MTUS2: variants seen among roughly 807,000 people sequenced by gnomAD.
MTUS2 encodes the protein microtubule-associated tumor suppressor candidate 2.
A neutral mutation model predicts 114.1 loss-of-function variants in MTUS2; 40 were observed. The observed-to-expected ratio is 0.35, with a 90% CI of 0.27 to 0.46. The LOEUF (loss-of-function observed/expected upper bound fraction) is 0.46, where lower values mean the gene tolerates loss of function less well. Among genes scored for constraint, MTUS2 ranks in the 20% least tolerant of loss-of-function variants. The pLI is 1.00. For missense variants in MTUS2, 1,679 were observed against 1,705.4 expected (o/e 0.98, Z 0.27); for synonymous variants, 688 against 672.0 (o/e 1.02, Z -0.37).
At chr13:29,245,046 G>C (rs1043678882) in intron 5 of MTUS2, among the ~76,000 whole-genome samples, 2 of 149,448 alleles carry the variant, frequency 1.3e-5, no homozygotes, top group African/African-American at 4.9e-5. Context: ...TGTATCATTT[G>C]TCTGGAGATT....
intron 8 of MTUS2, among the ~76,000 whole-genome samples, chr13:29,436,837 A>G (rs184552842): frequency 7.9e-6 from 1 of 126,344 alleles, no homozygotes; most frequent in Admixed American, 8.6e-5. Context: ...TTTTTTTTAC[A>G]TTCTCACTTG....
intron 2 of MTUS2, among the ~76,000 whole-genome samples, chr13:28,851,856 C>T (rs568610323): frequency 1.3e-5 from 2 of 152,132 alleles, no homozygotes; most frequent in South Asian, 2.1e-4. Flanking sequence ...CTTCCTGGAG[C>T]GGGTGGCATT....
At chr13:29,154,753 A>G (rs1892791178) in intron 5 of MTUS2, among the ~76,000 whole-genome samples, 1 of 152,236 alleles carries the variant, frequency 6.6e-6, no homozygotes, top group African/African-American at 2.4e-5. Flanking sequence ...TGGCTAAGCT[A>G]GATTGGATTT....
At chr13:29,199,883 C>G (rs1894866553) in intron 5 of MTUS2, among the ~76,000 whole-genome samples, 1 of 152,086 alleles carries the variant, frequency 6.6e-6, no homozygotes, top group Admixed American at 6.6e-5. Flanking sequence ...TGTTTTTGGT[C>G]TATTCGGGGA....
intron 6 of MTUS2, chr13:29,307,414 G>T: frequency 8.4e-7 from 1 of 1,193,944 alleles, no homozygotes; most frequent in Non-Finnish European, 1.2e-6. Flanking sequence ...CCCTAGTGAC[G>T]CTGCCAAGGC....
At chr13:28,895,802 A>G (rs1293274892) in intron 2 of MTUS2, among the ~76,000 whole-genome samples, 1 of 152,230 alleles carries the variant, frequency 6.6e-6, no homozygotes, top group African/African-American at 2.4e-5. Flanking sequence ...AACGTTAAAT[A>G]CAATGCAGAA....
rs1566163171 is a variant in MTUS2, at chr13:29,375,550, T to TA, written c.3117+16078dup. Among the ~76,000 whole-genome samples, 38 of 9,676 alleles carry TA rather than the reference T, an allele frequency of 3.9e-3. 2 individuals are homozygous for TA. Among genetic ancestry groups the TA allele is most frequent in the Middle Eastern group, 0.038 (1 of 26 alleles). The allele number at this position is 9,676 out of a possible 152,430, so 6.3% of individuals were successfully genotyped here. On this transcript the variant is annotated intron_variant, in intron 8 of 15. Transcript: ENST00000612955. Reference sequence around the variant, plus strand: ...ATATATATATATACGTGTATATATATATATATACGTATATATATATATACA... The same window carrying TA: ...ATATATATATATACGTGTATATATATAATATATACGTATATATATATATACA...
At chr13:29,186,897 A>G (rs1338502691) in intron 5 of MTUS2, among the ~76,000 whole-genome samples, 1 of 152,194 alleles carries the variant, frequency 6.6e-6, no homozygotes, top group Non-Finnish European at 1.5e-5. Context: ...ATGAGGGATT[A>G]AAATTTTGCA....
At chr13:28,904,442 G>T (rs967701604) in intron 2 of MTUS2, among the ~76,000 whole-genome samples, 1 of 152,158 alleles carries the variant, frequency 6.6e-6, no homozygotes, top group African/African-American at 2.4e-5. Context: ...AAGGTGTAAG[G>T]AAGGGATCCA....
intron 4 of MTUS2, among the ~76,000 whole-genome samples, chr13:29,063,083 A>G (rs977318976): frequency 6.6e-6 from 1 of 152,162 alleles, no homozygotes; most frequent in Non-Finnish European, 1.5e-5. Flanking sequence ...TGAAATTTTT[A>G]TTAGTGAAAC....
chr13:29,025,794 A>G lies in MTUS2; in HGVS notation c.1096A>G (p.Ser366Gly), dbSNP rs1191221188. The G allele has an allele frequency of 6.2e-7, 1 of 1,614,014 alleles. No homozygotes were observed. Among genetic ancestry groups the G allele is most frequent in the South Asian group, 1.1e-5 (1 of 91,084 alleles). ...CGATGCACTTGGCCATCTGCTGAAC[A>G]GTGACCTCCACCACCTTGGGGTGGG... Reference protein sequence around the residue: ...ATDALGHLLNSDLHHLGVGRG... With the variant: ...ATDALGHLLNGDLHHLGVGRG... The change falls in exon 3 of 16, where the codon AGT becomes GGT. Residue 366 changes from serine to glycine, a missense_variant. By Grantham distance (56) the Ser-to-Gly change is moderately conservative. Around this residue, in one of 3 missense-constraint regions of MTUS2, gnomAD observed 843 missense variants for 770.8 expected, o/e 1.09. Coordinates refer to ENST00000612955, the MANE Select transcript of MTUS2 (RefSeq NM_001033602.4).
intron 9 of MTUS2, among the ~76,000 whole-genome samples, chr13:29,442,562 GA>G (rs1374289914): frequency 6.6e-6 from 1 of 152,074 alleles, no homozygotes; most frequent in Non-Finnish European, 1.5e-5. Context: ...GCAAAGATAT[GA>G]TATCATGAAA....
At chr13:29,445,748 C>CA (rs112602672) in intron 9 of MTUS2, among the ~76,000 whole-genome samples, 16,545 of 148,550 alleles carry the variant, frequency 0.11, 1,446 homozygotes, top group African/African-American at 0.25. Flanking sequence ...ACTAAAAATA[C>CA]AAAAAAAAAA....
At chr13:29,229,976 A>G (rs7333330) in intron 5 of MTUS2, among the ~76,000 whole-genome samples, 3,684 of 152,254 alleles carry the variant, frequency 0.024, 149 homozygotes, top group African/African-American at 0.084. Flanking sequence ...GCCGGGCACA[A>G]TGGCTCACGC....
chr13:29,160,106 C>T lies in MTUS2; in HGVS notation c.2644+59136C>T, dbSNP rs996447265. On this transcript the variant is annotated intron_variant, in intron 5 of 15. Transcript: ENST00000612955. Reference sequence around the variant, plus strand: ...ACTGGAAATAATCCAGAAGGCCTTCCGTGGGCACATGATTAAACAACTGTG... The same window carrying T: ...ACTGGAAATAATCCAGAAGGCCTTCTGTGGGCACATGATTAAACAACTGTG... 1.6e-4 allele frequency among the ~76,000 whole-genome samples: 24 copies of T among 152,252 alleles called. 3 individuals carry two copies. Among genetic ancestry groups the T allele is most frequent in the Admixed American group, 5.9e-4 (9 of 15,294 alleles).
intron 5 of MTUS2, among the ~76,000 whole-genome samples, chr13:29,139,739 A>G (rs561283121): frequency 2.1e-4 from 32 of 152,250 alleles, no homozygotes; most frequent in African/African-American, 6.3e-4. Context: ...TTAGAGTCAT[A>G]TTTGTTTTAA....
chr13:29,417,309 C>T (rs185786554), intron 8 of MTUS2, among the ~76,000 whole-genome samples: 1 of 152,330 alleles, frequency 6.6e-6, no homozygotes, highest in East Asian at 1.9e-4. Flanking sequence ...CCCCATGACC[C>T]ATACACCTTC....
chr13:29,368,230 A>T (rs1399581952), intron 8 of MTUS2, among the ~76,000 whole-genome samples: 1 of 150,990 alleles, frequency 6.6e-6, no homozygotes, highest in Non-Finnish European at 1.5e-5. Context: ...GAGCCACTGC[A>T]CCCAGCCCCA....
At chr13:29,301,606 T>G (rs1899208089) in intron 6 of MTUS2, among the ~76,000 whole-genome samples, 1 of 152,242 alleles carries the variant, frequency 6.6e-6, no homozygotes, top group South Asian at 2.1e-4. Flanking sequence ...TAGACCGAGA[T>G]TACCACTAAT....
Sources: allele counts gnomAD v4.1 joint callset (sites outside exome capture counted in the v4.1 genomes callset), GRCh38; gene constraint gnomAD v4.1.1; regional missense constraint gnomAD v4.1.1; transcripts MANE v1.5; gene names NCBI Gene and HGNC (gene_info 2026-07-23, HGNC 2026-07-21).